Variants in APCDD1L observed in about 807,000 individuals in gnomAD.
APCDD1L encodes the protein protein APCDD1-like.
APCDD1L carries 21 observed loss-of-function variants against 24.2 expected under a neutral mutation model. The observed-to-expected ratio is 0.87, with a 90% confidence interval of 0.61 to 1.25. The LOEUF (loss-of-function observed/expected upper bound fraction) is 1.25, where lower values mean the gene tolerates loss of function less well. Ranked by LOEUF, APCDD1L falls within the 50% of genes most tolerant of loss-of-function variation. The probability of loss-of-function intolerance (pLI) is 0.00; values close to 1 mark genes in which losing one functional copy is unlikely to be tolerated. For synonymous variants in APCDD1L, 321 were observed against 323.6 expected, an observed-to-expected ratio of 0.99 and a Z score of 0.09; for missense variants, 704 against 711.7, an observed-to-expected ratio of 0.99 and a Z score of 0.12.
In APCDD1L at chr20:58,480,778, C is replaced by T. The variant is rs180857041; in HGVS notation, c.50-10031G>A. ...AATGTTCCAGAACGAAAACTGTGCACATGAAAACTCTCCCTTGGCCTCATG... is the reference window on the plus strand; with the variant it reads ...AATGTTCCAGAACGAAAACTGTGCATATGAAAACTCTCCCTTGGCCTCATG... On this transcript the variant is annotated intron_variant, in intron 1 of 3. Transcript: ENST00000371149. Among the ~76,000 whole-genome samples, 188 of 152,298 alleles carry T rather than the reference C, an allele frequency of 1.2e-3. No individual in the cohort carries two copies. In the Middle Eastern group the frequency reaches 0.014, roughly 11 times the overall value.
chr20:58,482,842 G>A (rs1352588536), intron 1 of APCDD1L, among the ~76,000 whole-genome samples: 2 of 152,104 alleles, frequency 1.3e-5, no homozygotes, highest in African/African-American at 4.8e-5. Context: ...AACCGGGTCC[G>A]GTAACTGTAA....
intron 1 of APCDD1L, among the ~76,000 whole-genome samples, chr20:58,488,892 A>C (rs1420184487): frequency 6.6e-6 from 1 of 152,206 alleles, no homozygotes; most frequent in East Asian, 1.9e-4. Context: ...CAAAGCTAGA[A>C]GAGAGAATGA....
At chr20:58,480,637 T>G (rs559762610) in intron 1 of APCDD1L, among the ~76,000 whole-genome samples, 23 of 152,312 alleles carry the variant, frequency 1.5e-4, no homozygotes, top group African/African-American at 5.3e-4. Context: ...CCACTCCTGC[T>G]GAGGGAAAGG....
intron 1 of APCDD1L, among the ~76,000 whole-genome samples, chr20:58,480,276 G>T (rs185031958): frequency 8.0e-4 from 122 of 152,314 alleles, no homozygotes; most frequent in African/African-American, 2.8e-3. Context: ...GCCCTCCTCT[G>T]CTCAGTGCAC....
intron 1 of APCDD1L, among the ~76,000 whole-genome samples, chr20:58,481,449 C>A (rs1990022907): frequency 6.6e-6 from 1 of 152,154 alleles, no homozygotes; most frequent in Non-Finnish European, 1.5e-5. Flanking sequence ...CTCTTCATGG[C>A]CTTGGCAACT....
At chr20:58,492,732 T>C (rs1990243412) in intron 1 of APCDD1L, among the ~76,000 whole-genome samples, 1 of 152,262 alleles carries the variant, frequency 6.6e-6, no homozygotes, top group Non-Finnish European at 1.5e-5. Context: ...TGCATACGCA[T>C]GCACTGACAC....
At chr20:58,499,601 T>A (rs763048999) in intron 1 of APCDD1L, among the ~76,000 whole-genome samples, 1 of 152,200 alleles carries the variant, frequency 6.6e-6, no homozygotes, top group Non-Finnish European at 1.5e-5. Flanking sequence ...AAGCTGTGGC[T>A]CCTTCCTCCC....
rs988394959 is a variant in APCDD1L at position 58,497,123 on chromosome 20, G to C, written c.49+17536C>G. Among the ~76,000 whole-genome samples, 1 of 151,922 alleles carries C rather than the reference G, an allele frequency of 6.6e-6. No individual in the cohort carries two copies. Among genetic ancestry groups the C allele is most frequent in the East Asian group, 1.9e-4 (1 of 5,172 alleles). Reference sequence around the variant, plus strand: ...GACAGGGCTCCAGGGTCAGCAGCGTGGACACCAGAGGTCACAAGATGGGGG... The same window carrying C: ...GACAGGGCTCCAGGGTCAGCAGCGTCGACACCAGAGGTCACAAGATGGGGG... On this transcript the variant is annotated intron_variant, in intron 1 of 3. Coordinates refer to ENST00000371149, the MANE Select transcript of APCDD1L (RefSeq NM_153360.3). The surrounding 1 kb of genome is among the most constrained non-coding windows in gnomAD (Gnocchi z 4.3).
At chr20:58,466,753 A>AT (rs1989713289) in intron 3 of APCDD1L, among the ~76,000 whole-genome samples, 1 of 152,110 alleles carries the variant, frequency 6.6e-6, no homozygotes, top group Non-Finnish European at 1.5e-5. Context: ...TGGAGCGGAT[A>AT]TTTCAGCCGA....
At chr20:58,496,882 G>A (rs1207272940) in intron 1 of APCDD1L, among the ~76,000 whole-genome samples, 1 of 152,196 alleles carries the variant, frequency 6.6e-6, no homozygotes, top group Admixed American at 6.5e-5. Context: ...CTGGCATGGA[G>A]GAAAGGGACC....
chr20:58,502,017 T>G (rs1015979091), intron 1 of APCDD1L, among the ~76,000 whole-genome samples: 5 of 152,208 alleles, frequency 3.3e-5, no homozygotes, highest in African/African-American at 4.8e-5. Flanking sequence ...CCCCATCTAA[T>G]AGCCCACCTC....
At chr20:58,478,279 G>A (rs1452003542) in intron 1 of APCDD1L, among the ~76,000 whole-genome samples, 3 of 152,100 alleles carry the variant, frequency 2.0e-5, no homozygotes, top group Non-Finnish European at 2.9e-5. Context: ...ATTGGAAAAT[G>A]GTGTTTAGAA....
intron 1 of APCDD1L, among the ~76,000 whole-genome samples, chr20:58,483,174 CTAG>C (rs1990056075): frequency 1.3e-5 from 2 of 152,094 alleles, no homozygotes; most frequent in Admixed American, 1.3e-4. Context: ...GAGGTGTGAA[CTAG>C]CAGAGAGAGA....
At chr20:58,480,184 T>C (rs1989997129) in intron 1 of APCDD1L, among the ~76,000 whole-genome samples, 3 of 152,116 alleles carry the variant, frequency 2.0e-5, no homozygotes, top group Non-Finnish European at 2.9e-5. Flanking sequence ...CTTTGCTACC[T>C]TGGGAAACAC....
chr20:58,502,983 C>T (rs567311385), intron 1 of APCDD1L, among the ~76,000 whole-genome samples: 10 of 152,266 alleles, frequency 6.6e-5, no homozygotes, highest in African/African-American at 1.4e-4. Flanking sequence ...TGGCAGTGGA[C>T]GTGACTCTTT....
intron 1 of APCDD1L, among the ~76,000 whole-genome samples, chr20:58,485,326 A>G (rs886930013): frequency 6.6e-6 from 1 of 152,252 alleles, no homozygotes; most frequent in African/African-American, 2.4e-5. Flanking sequence ...GTTTCAATTT[A>G]TCTTCCATCG....
chr20:58,491,724 G>C (rs6100087), intron 1 of APCDD1L, among the ~76,000 whole-genome samples: 4,319 of 152,268 alleles, frequency 0.028, 207 homozygotes, highest in African/African-American at 0.098. Context: ...TTGGGATCTT[G>C]AGAAGATGGT....
chr20:58,498,005 G>T (rs1301550513), intron 1 of APCDD1L, among the ~76,000 whole-genome samples: 1 of 152,120 alleles, frequency 6.6e-6, no homozygotes, highest in Non-Finnish European at 1.5e-5. Context: ...TCCCGAGGAG[G>T]GGTGCGGTGG....
In APCDD1L at chr20:58,514,642, G is replaced by A; in HGVS notation, c.49+17C>T. ...CGAGCTCAGCCAGTTTGCCGGGTGG[G>A]GGAGGGTGGCACCTACCTCCCAAAA... On this transcript the variant is annotated intron_variant, in intron 1 of 3. Coordinates refer to ENST00000371149, the MANE Select transcript of APCDD1L (RefSeq NM_153360.3). 7.6e-7 allele frequency: 1 copy of A among 1,313,942 alleles called. No homozygotes were observed. The highest frequency in any genetic ancestry group is 1.5e-5 in the African/African-American group (1 of 66,520). The allele number at this position is 1,313,942 out of a possible 1,614,324, so 81.4% of individuals were successfully genotyped here. A position where few individuals can be genotyped will look rare whatever the true frequency, so the allele number is the denominator to read the frequency against.
Sources: gnomAD v4.1 joint callset for allele counts (sites outside exome capture counted in the v4.1 genomes callset) on GRCh38, gnomAD v4.1.1 for gene constraint, Gnocchi (gnomAD v3.1) non-coding constraint, MANE v1.5 for transcripts, NCBI Gene and HGNC (gene_info 2026-07-23, HGNC 2026-07-21) for gene names.